KAZN: variants seen among roughly 807,000 people sequenced by gnomAD.
The protein encoded by KAZN is kazrin, periplakin interacting protein.
KAZN carries 40 observed loss-of-function variants against 87.4 expected under a neutral mutation model. The observed-to-expected ratio is 0.46, with a 90% CI of 0.36 to 0.60. The LOEUF (loss-of-function observed/expected upper bound fraction) is 0.60. KAZN is among the 20% of genes least tolerant of loss of function. The pLI, the probability that KAZN is intolerant of heterozygous loss-of-function variation, is 0.00. For missense variants in KAZN, 898 were observed against 1,073.9 expected (o/e 0.84, Z 2.29); for synonymous variants, 466 against 458.3 (o/e 1.02, Z -0.22).
chr1:15,048,641 C>CGGTCCTGGGTCGTCGGTCCTGGGTCGCT (rs1557754297), intron 4 of KAZN, among the ~76,000 whole-genome samples: 2 of 89,364 alleles, frequency 2.2e-5, no homozygotes, highest in Non-Finnish European at 4.5e-5. Flanking sequence ...CCTGGGTCGT[C>CGGTCCTGGGTCGTCGGTCCTGGGTCGCT]GGTCCTGGGT....
intron 1 of KAZN, among the ~76,000 whole-genome samples, chr1:14,754,151 G>T (rs1309824238): frequency 1.3e-5 from 2 of 152,240 alleles, no homozygotes; most frequent in Non-Finnish European, 2.9e-5. Context: ...TGATCTGAGT[G>T]CTAAGAGTTG....
chr1:13,952,776 G>T (rs952589309), intron 1 of KAZN, among the ~76,000 whole-genome samples: 4 of 152,186 alleles, frequency 2.6e-5, no homozygotes, highest in Non-Finnish European at 5.9e-5. Context: ...CCACTGGCCA[G>T]CCGGAGCTCA....
chr1:14,118,520 A>T (rs1343716704), intron 1 of KAZN, among the ~76,000 whole-genome samples: 1 of 152,218 alleles, frequency 6.6e-6, no homozygotes, highest in African/African-American at 2.4e-5. Flanking sequence ...TTTACTGTAC[A>T]TTCCTGAAAA....
intron 1 of KAZN, among the ~76,000 whole-genome samples, chr1:14,779,705 G>C (rs909385236): frequency 6.6e-6 from 1 of 152,098 alleles, no homozygotes; most frequent in Non-Finnish European, 1.5e-5. Flanking sequence ...GAAGGGTTTG[G>C]CTTTGTTATT....
intron 1 of KAZN, among the ~76,000 whole-genome samples, chr1:14,830,187 G>C (rs775425530): frequency 6.6e-6 from 1 of 152,152 alleles, no homozygotes; most frequent in Non-Finnish European, 1.5e-5. Context: ...TCTTTTTCTA[G>C]ACTCTTTCTT....
chr1:14,006,860 CTGTGAAAAA>C (rs1283951499), intron 1 of KAZN, among the ~76,000 whole-genome samples: 1 of 151,914 alleles, frequency 6.6e-6, no homozygotes, highest in Non-Finnish European at 1.5e-5. Context: ...TTTTCTGTTT[CTGTGAAAAA>C]TGCCACTGGA....
rs539052278 is a variant in KAZN, at chr1:13,894,595, T to C, written c.91+839T>C. 9.8e-5 allele frequency among the ~76,000 whole-genome samples: 15 copies of C among 152,304 alleles called. No individual in the cohort carries two copies. In the South Asian group the frequency reaches 3.1e-3, roughly 32 times the overall value. ...TCCTCCAATGTTTTCCTGGGTGTTA[T>C]AGGGTTAATTGTGGATTTTGACCGT... On this transcript the variant is annotated intron_variant, in intron 1 of 16. Transcript: ENST00000636203.
intron 2 of KAZN, among the ~76,000 whole-genome samples, chr1:14,429,605 A>G (rs1346314421): frequency 4.6e-5 from 7 of 152,180 alleles, no homozygotes; most frequent in Admixed American, 2.6e-4. Flanking sequence ...TTCCCTTTCC[A>G]AAATCAATAA....
chr1:14,846,240 GC>G, intron 1 of KAZN, among the ~76,000 whole-genome samples: 1 of 152,198 alleles, frequency 6.6e-6, no homozygotes, highest in South Asian at 2.1e-4. Flanking sequence ...TTGCTAAGAA[GC>G]CCTGCAATAA....
chr1:14,602,183 T>C (rs1557829293), intron 1 of KAZN, among the ~76,000 whole-genome samples: 1 of 152,160 alleles, frequency 6.6e-6, no homozygotes, highest in African/African-American at 2.4e-5. Context: ...ATTAACTTGG[T>C]TGGTACTCCC....
intron 2 of KAZN, 91 bp downstream of exon 2, chr1:14,960,966 G>A: frequency 7.4e-7 from 1 of 1,344,992 alleles, no homozygotes; most frequent in Non-Finnish European, 1.0e-6. Context: ...GACGCAGATG[G>A]ACACAGGGGT....
chr1:15,011,739 C>T (rs72639822), intron 2 of KAZN, among the ~76,000 whole-genome samples: 15,313 of 152,212 alleles, frequency 0.1, 914 homozygotes, highest in East Asian at 0.25. Flanking sequence ...TATTTAGACC[C>T]TTCTTTCTGA....
At chr1:14,415,853 G>GA (rs35834088) in intron 2 of KAZN, among the ~76,000 whole-genome samples, 2 of 151,982 alleles carry the variant, frequency 1.3e-5, no homozygotes. Flanking sequence ...TCAGCTTCTG[G>GA]AAAAAATGTA....
chr1:14,048,334 T>A (rs1642164536), intron 1 of KAZN, among the ~76,000 whole-genome samples: 1 of 152,186 alleles, frequency 6.6e-6, no homozygotes, highest in African/African-American at 2.4e-5. Context: ...ACTTTCCTGA[T>A]TGGACTATTT....
chr1:14,733,278 C>T (rs192293221), intron 1 of KAZN, among the ~76,000 whole-genome samples: 1 of 152,166 alleles, frequency 6.6e-6, no homozygotes, highest in Non-Finnish European at 1.5e-5. Context: ...GAAAGCAAGT[C>T]AGGACAAGTC....
chr1:14,929,230 T>A (rs1232998449), intron 1 of KAZN, among the ~76,000 whole-genome samples: 1 of 152,216 alleles, frequency 6.6e-6, no homozygotes, highest in African/African-American at 2.4e-5. Flanking sequence ...ACTTGATGTA[T>A]ATGTGTTTAA....
chr1:15,048,216 A>G (rs970390741), intron 4 of KAZN, among the ~76,000 whole-genome samples: 1 of 152,226 alleles, frequency 6.6e-6, no homozygotes, highest in East Asian at 1.9e-4. Flanking sequence ...GGGAAAAGCC[A>G]AAAAGACATT....
At chr1:14,329,942 T>G (rs899425261) in intron 2 of KAZN, among the ~76,000 whole-genome samples, 5 of 152,240 alleles carry the variant, frequency 3.3e-5, no homozygotes, top group Admixed American at 1.3e-4. Flanking sequence ...TCATAAAACA[T>G]GCAATAAATA....
intron 2 of KAZN, among the ~76,000 whole-genome samples, chr1:14,576,612 A>T (rs113870594): frequency 0.017 from 2,643 of 152,330 alleles, 65 homozygotes; most frequent in African/African-American, 0.056. Flanking sequence ...AGTGCTAAAA[A>T]TTGAAAAGCC....
Sources: allele counts gnomAD v4.1 joint callset (sites outside exome capture counted in the v4.1 genomes callset), GRCh38; gene constraint gnomAD v4.1.1; transcripts MANE v1.5; gene names NCBI Gene and HGNC (gene_info 2026-07-23, HGNC 2026-07-21).